Variants in LARP1B observed in about 807,000 individuals in gnomAD.
The protein encoded by LARP1B is La ribonucleoprotein 1B.
In LARP1B, 76 loss-of-function variants were observed where a neutral mutation model predicts 114.2. The ratio of observed to expected loss-of-function variants is 0.67; its 90% CI spans 0.55 to 0.81. The LOEUF (loss-of-function observed/expected upper bound fraction) is 0.81. LARP1B is among the 30% of genes least tolerant of loss of function. The pLI is 0.00. For missense variants in LARP1B, 1,014 were observed against 1,075.8 expected (o/e 0.94, Z 0.80); for synonymous variants, 345 against 348.0 (o/e 0.99, Z 0.10).
chr4:128,141,629 T>C (rs556129831), intron 11 of LARP1B, among the ~76,000 whole-genome samples: 63 of 152,298 alleles, frequency 4.1e-4, no homozygotes, highest in South Asian at 1.9e-3. Flanking sequence ...CACTCCTCAC[T>C]GGTGGCCTAA....
chr4:128,179,702 G>GT (rs546075555), intron 15 of LARP1B, among the ~76,000 whole-genome samples, 190 bp downstream of exon 15: 11 of 151,480 alleles, frequency 7.3e-5, no homozygotes, highest in African/African-American at 1.7e-4. Context: ...CAGTTGGACA[G>GT]TTTTTTTTTC....
intron 15 of LARP1B, among the ~76,000 whole-genome samples, chr4:128,179,965 A>T (rs560401982): frequency 7.3e-4 from 111 of 151,730 alleles, no homozygotes; most frequent in African/African-American, 2.6e-3. Context: ...ATTAGCAGGA[A>T]TTTTTTTTTA....
rs139214418 is a variant in LARP1B at position 128,211,302 on chromosome 4, C to G, written c.*1249C>G. On this transcript the variant is annotated 3_prime_UTR_variant, in exon 20 of 20. Transcript: ENST00000326639. ...ATTTACAGATATTTTGTTGTATTGGCAAAAGCAAGTGGTTTCCATATGCTA... is the reference window on the plus strand; with the variant it reads ...ATTTACAGATATTTTGTTGTATTGGGAAAAGCAAGTGGTTTCCATATGCTA... 302 of 970,028 alleles carry G rather than the reference C, an allele frequency of 3.1e-4. 1 individual carries two copies. The African/African-American group carries it at 5.1e-3, about 16-fold the overall frequency. The allele number at this position is 970,028 out of a possible 1,614,324, so 60.1% of individuals were successfully genotyped here. A position where few individuals can be genotyped will look rare whatever the true frequency, so the allele number is the denominator to read the frequency against.
At chr4:128,115,887 G>A (rs1457441679) in intron 10 of LARP1B, among the ~76,000 whole-genome samples, 1 of 152,198 alleles carries the variant, frequency 6.6e-6, no homozygotes, top group Non-Finnish European at 1.5e-5. Flanking sequence ...TCAAACTCCT[G>A]TCCTCAAATA....
intron 8 of LARP1B, among the ~76,000 whole-genome samples, chr4:128,104,423 G>T (rs544492530): frequency 5.3e-5 from 8 of 152,166 alleles, no homozygotes; most frequent in African/African-American, 1.9e-4. Flanking sequence ...GAATATAACA[G>T]TTAATCAATC....
At chr4:128,220,355 G>C in exon 7 of LARP1B, 1 of 956,470 alleles carries the variant, frequency 1.0e-6, no homozygotes, top group Non-Finnish European at 1.2e-6. Flanking sequence ...TCTTGCATAG[G>C]AGGCTGATCC....
intron 15 of LARP1B, among the ~76,000 whole-genome samples, chr4:128,182,741 T>G (rs955060634): frequency 4.6e-5 from 7 of 152,216 alleles, no homozygotes; most frequent in Non-Finnish European, 8.8e-5. Flanking sequence ...CAAGACAGGC[T>G]GAAAACTAGA....
At chr4:128,165,090 G>A (rs1461939980) in intron 12 of LARP1B, among the ~76,000 whole-genome samples, 1 of 151,886 alleles carries the variant, frequency 6.6e-6, no homozygotes, top group Non-Finnish European at 1.5e-5. Flanking sequence ...ATAGCACATA[G>A]GAGCCATGAA....
intron 19 of LARP1B, among the ~76,000 whole-genome samples, chr4:128,209,336 G>A (rs2150962239): frequency 6.6e-6 from 1 of 152,232 alleles, no homozygotes; most frequent in South Asian, 2.1e-4. Flanking sequence ...CAGGAGAATC[G>A]CTTGAACCCC....
At chr4:128,129,140 G>A (rs1790642965) in intron 11 of LARP1B, among the ~76,000 whole-genome samples, 1 of 134,928 alleles carries the variant, frequency 7.4e-6, no homozygotes, top group African/African-American at 3.0e-5. Context: ...TCTCCATCCT[G>A]GGCGACAGAG....
At chr4:128,091,571 T>A in intron 7 of LARP1B, 59 bp downstream of exon 7, 1 of 1,343,562 alleles carries the variant, frequency 7.4e-7, no homozygotes, top group Non-Finnish European at 1.0e-6. Flanking sequence ...ATATGAACTT[T>A]AATGTCATTG....
intron 5 of LARP1B, among the ~76,000 whole-genome samples, chr4:128,087,767 T>C (rs1774209946): frequency 6.6e-6 from 1 of 152,168 alleles, no homozygotes. Context: ...TAGTCCCAGC[T>C]ACTTGGGAGG....
chr4:128,141,066 G>A (rs372899042), intron 11 of LARP1B, among the ~76,000 whole-genome samples: 9 of 151,936 alleles, frequency 5.9e-5, no homozygotes, highest in African/African-American at 1.9e-4. Flanking sequence ...CACCTGCCTC[G>A]GCCTCCCAAA....
chr4:128,112,943 T>C (rs908167365), intron 9 of LARP1B, among the ~76,000 whole-genome samples: 4 of 152,216 alleles, frequency 2.6e-5, no homozygotes, highest in African/African-American at 9.6e-5. Context: ...GTCTAGCATG[T>C]AGATGAATGT....
At chr4:128,072,523 T>C (rs1765774290) in intron 1 of LARP1B, among the ~76,000 whole-genome samples, 1 of 152,066 alleles carries the variant, frequency 6.6e-6, no homozygotes. Context: ...AAATTTCCTT[T>C]CTTAGGCTTC....
intron 11 of LARP1B, among the ~76,000 whole-genome samples, chr4:128,159,778 A>G (rs1376182930): frequency 6.6e-6 from 1 of 152,244 alleles, no homozygotes; most frequent in East Asian, 1.9e-4. Context: ...AAAAATAGGT[A>G]CAGCCACTGT....
downstream of LARP1B, among the ~76,000 whole-genome samples, chr4:128,213,614 C>T (rs1759268694): frequency 2.0e-5 from 3 of 152,252 alleles, no homozygotes; most frequent in South Asian, 6.2e-4. Context: ...ATCTAAATGG[C>T]CCTACCCAAA....
intron 10 of LARP1B, among the ~76,000 whole-genome samples, chr4:128,116,786 C>G (rs1235107438): frequency 2.0e-5 from 3 of 152,044 alleles, no homozygotes; most frequent in Non-Finnish European, 4.4e-5. Flanking sequence ...AGTGGGTATA[C>G]AGATCTTTGT....
intron 15 of LARP1B, among the ~76,000 whole-genome samples, chr4:128,191,080 T>C (rs1039297921): frequency 1.3e-5 from 2 of 151,878 alleles, no homozygotes; most frequent in African/African-American, 4.8e-5. Flanking sequence ...CTGTAATCCA[T>C]TTTTCAGAAA....
Sources: gnomAD v4.1 joint callset for allele counts (sites outside exome capture counted in the v4.1 genomes callset) on GRCh38, gnomAD v4.1.1 for gene constraint, MANE v1.5 for transcripts, NCBI Gene and HGNC (gene_info 2026-07-23, HGNC 2026-07-21) for gene names.